Variants in MNX1 observed in about 807,000 individuals in gnomAD.
The protein encoded by MNX1 is motor neuron and pancreas homeobox protein 1.
A neutral mutation model predicts 17.3 loss-of-function variants in MNX1; 2 were observed. The ratio of observed to expected loss-of-function variants is 0.12; its 90% CI spans 0.05 to 0.36. The LOEUF (loss-of-function observed/expected upper bound fraction) is 0.36. MNX1 is among the 10% of genes least tolerant of loss of function. The pLI is 1.00. For synonymous variants in MNX1, 306 were observed against 283.1 expected (o/e 1.08, Z -0.81); for missense variants, 556 against 564.7 (o/e 0.98, Z 0.16).
At position 157,010,320 on chromosome 7, in the gene MNX1, C is replaced by G; in HGVS notation, c.31G>C (p.Ala11Pro). Residue 11 changes from alanine (A) to proline (P), a missense_variant, in exon 1 of 3, where the codon GCC (alanine) becomes CCC (proline). Physicochemically the swap from Ala to Pro is conservative, Grantham distance 27. Transcript: ENST00000252971. ...CGTGGGGGGTCCACCGCCAGCAGGG[C>G]GTCGATGCGGAAATTTTTGGATTTT... MEKSKNFRID[A>P]LLAVDPPRAA... 6.3e-7 allele frequency: 1 copy of G among 1,582,410 alleles called. No homozygotes were observed. The highest frequency in any genetic ancestry group is 2.4e-5 in the East Asian group (1 of 41,740).
chr7:157,009,599 C>T, intron 1 of MNX1, 61 bp downstream of exon 1: 1 of 1,579,068 alleles, frequency 6.3e-7, no homozygotes, highest in South Asian at 1.1e-5. Context: ...CAGGCGGTGC[C>T]GGTGGAGGAT....
At chr7:157,009,523 C>A in intron 1 of MNX1, 137 bp downstream of exon 1, 2 of 1,464,756 alleles carry the variant, frequency 1.4e-6, no homozygotes, top group Non-Finnish European at 1.8e-6. Flanking sequence ...CTCGCAGGCC[C>A]CGGGCAGAGC....
Position 157,009,763 on chromosome 7 carries a change from G to C in MNX1, c.588C>G (p.His196Gln). 5.6e-6 allele frequency: 9 copies of C among 1,599,038 alleles called. No individual in the cohort carries two copies. Among genetic ancestry groups the C allele is most frequent in the Non-Finnish European group, 7.7e-6 (9 of 1,176,046 alleles). Residue 196 changes from histidine (H) to glutamine (Q), a missense_variant, in exon 1 of 3, where the codon CAC (histidine) becomes CAG (glutamine). Physicochemically the swap from His to Gln is conservative, Grantham distance 24 (BLOSUM62 0). This residue lies in a region of MNX1 where 210 missense variants were observed against 211.3 expected (regional missense o/e 0.99). Transcript: ENST00000252971. Reference sequence around the variant, plus strand: ...CGCCCAGCTTGATGGGGTCGGCGGGGTGCGCGGGGTGCGCGCCTTGCACCT... The same window carrying C: ...CGCCCAGCTTGATGGGGTCGGCGGGCTGCGCGGGGTGCGCGCCTTGCACCT... ...YPQVQGAHPA[H>Q]PADPIKLGAG...
At chr7:157,007,632 A>G (rs1805629800) in intron 1 of MNX1, 1 of 152,252 alleles carries the variant, frequency 6.6e-6, no homozygotes, top group Non-Finnish European at 1.5e-5. Context: ...CTTTATTTAC[A>G]TAATTTCGCA....
intron 1 of MNX1, chr7:157,009,142 G>A: frequency 3.3e-6 from 5 of 1,524,290 alleles, no homozygotes; most frequent in Non-Finnish European, 4.4e-6. Context: ...TAAGAGCCGG[G>A]GGTTCCCTGG....
Position 157,005,380 on chromosome 7 carries a change from G to C in MNX1, c.*140C>G, listed in dbSNP as rs1455199718. 2.0e-6 allele frequency: 1 copy of C among 497,592 alleles called. No homozygotes were observed. 30.8% of individuals were successfully genotyped at this position (497,592 alleles called of 1,614,324 possible). ...GCCGCGGCCGAATCCCTCCAGCCCC[G>C]GCCTGGGCGAGGGGTCCATGGGGCG... On this transcript the variant is annotated 3_prime_UTR_variant, in exon 3 of 3. Coordinates refer to ENST00000252971, the MANE Select transcript of MNX1 (RefSeq NM_005515.4).
chr7:157,010,109 G>A lies in MNX1; in HGVS notation c.242C>T (p.Pro81Leu), dbSNP rs1257312854. 4 of 989,398 alleles carry A rather than the reference G, an allele frequency of 4.0e-6. No individual in the cohort carries two copies. Among genetic ancestry groups the A allele is most frequent in the Non-Finnish European group, 4.8e-6 (4 of 834,428 alleles). The allele number at this position is 989,398 out of a possible 1,614,324, so 61.3% of individuals were successfully genotyped here. A position where few individuals can be genotyped will look rare whatever the true frequency, so the allele number is the denominator to read the frequency against. ...CGCGCAGTGCGCGGCCAGCAGGCGC[G>A]GCGGCGACGGGCTCTCGGCGCGCAG... ...DRLRAESPSP[P>L]RLLAAHCALL... Residue 81 changes from proline (P) to leucine (L), a missense_variant, in exon 1 of 3, where the codon CCG becomes CTG. Pro to Leu is a moderately conservative substitution (Grantham distance 98). Around this residue, in one of 7 missense-constraint regions of MNX1, gnomAD observed 115 missense variants for 103.5 expected, o/e 1.11. Transcript: ENST00000252971.
intron 1 of MNX1, chr7:157,008,799 G>C: frequency 3.3e-6 from 2 of 602,600 alleles, no homozygotes; most frequent in Non-Finnish European, 5.8e-6. Flanking sequence ...TGGGGCGAGC[G>C]GGGAGAGCCA....
Position 157,005,448 on chromosome 7 carries a change from CGCCGGGGCCTCCGGGAGAAGCCGCCG to C in MNX1, c.*46_*71del. The C allele has an allele frequency of 9.1e-7, 1 of 1,102,822 alleles. No individual in the cohort carries two copies. 68.3% of individuals were successfully genotyped at this position (1,102,822 alleles called of 1,614,324 possible). A position where few individuals can be genotyped will look rare whatever the true frequency, so the allele number is the denominator to read the frequency against. ...CGGGGCCGGGCCGGGTGGGTGCGGG[CGCCGGGGCCTCCGGGAGAAGCCGCCG>C]GCCGGGGCGCTCCGTGCGCGCCGCA... On this transcript the variant is annotated 3_prime_UTR_variant, in exon 3 of 3. Transcript: ENST00000252971.
rs778841243 is a variant in MNX1 at position 157,006,025 on chromosome 7, C to A, written c.853-152G>T. On this transcript the variant is annotated intron_variant, in intron 2 of 2. Coordinates refer to ENST00000252971, the MANE Select transcript of MNX1 (RefSeq NM_005515.4). The surrounding 1 kb of genome is among the most constrained non-coding windows in gnomAD (Gnocchi z 6.3). ...ACTTAGAAGCAGAATGGGGAGGGGG[C>A]TCGTAGCTTCCTCCTCCCCGCAACC... 5.4e-5 allele frequency: 43 copies of A among 798,592 alleles called. No homozygotes were observed. The highest frequency in any genetic ancestry group is 7.3e-5 in the Non-Finnish European group (37 of 506,416). 49.5% of individuals were successfully genotyped at this position (798,592 alleles called of 1,614,324 possible).
chr7:157,009,240 GTC>G, intron 1 of MNX1: 17 of 1,432,612 alleles, frequency 1.2e-5, no homozygotes, highest in Non-Finnish European at 1.5e-5. Flanking sequence ...GGGGCCGCGG[GTC>G]TCTCTAACGC....
intron 1 of MNX1, chr7:157,009,304 C>T: frequency 7.0e-7 from 1 of 1,418,556 alleles, no homozygotes; most frequent in Non-Finnish European, 9.2e-7. Context: ...AGCCCTGACC[C>T]CCATTCCCGG....
chr7:157,007,876 C>G (rs1805634176), intron 1 of MNX1: 1 of 152,250 alleles, frequency 6.6e-6, no homozygotes. Context: ...TACATTAGAA[C>G]TTTAATTAAA....
Position 157,006,751 on chromosome 7 carries a change from G to A in MNX1, c.692-112C>T. 8.3e-7 allele frequency: 1 copy of A among 1,199,320 alleles called. No individual in the cohort carries two copies. The allele number at this position is 1,199,320 out of a possible 1,614,324, so 74.3% of individuals were successfully genotyped here. A position where few individuals can be genotyped will look rare whatever the true frequency, so the allele number is the denominator to read the frequency against. On this transcript the variant is annotated intron_variant, in intron 1 of 2. Coordinates refer to ENST00000252971, the MANE Select transcript of MNX1 (RefSeq NM_005515.4). This position sits in a 1 kb window ranked among gnomAD's most constrained non-coding sequence, Gnocchi z 6.3. The stretch of plus-strand genomic sequence containing the variant: ...GGCCCCAGCGCCAAGGCCTGGCCCT[G>A]CAGAGGGCGGGGCTGTTCCCTCACT...
At chr7:157,007,810 G>A (rs1396063165) in intron 1 of MNX1, 2 of 152,366 alleles carry the variant, frequency 1.3e-5, no homozygotes, top group East Asian at 1.9e-4. Context: ...TGCTTTAGAG[G>A]ATGGCCCACG....
In MNX1 at chr7:157,009,667, G is replaced by A. The variant is rs1245196097; in HGVS notation, c.684C>T (p.Asp228=). The A allele has an allele frequency of 6.2e-7, 1 of 1,609,256 alleles. No individual in the cohort carries two copies. The change falls in exon 1 of 3, where the codon GAC becomes GAT. Residue 228 remains aspartate, a synonymous_variant. Coordinates refer to ENST00000252971, the MANE Select transcript of MNX1 (RefSeq NM_005515.4). ...TAGMILPKMP[D]FNSQAQSNLL... ...GGGCCGCAGGGTACTCACAGTTGAA[G>A]TCGGGCATCTTAGGCAGGATCATGC...
In MNX1 at chr7:157,009,667, G is replaced by C; in HGVS notation, c.684C>G (p.Asp228Glu). ...GGGCCGCAGGGTACTCACAGTTGAAGTCGGGCATCTTAGGCAGGATCATGC... is the reference window on the plus strand; with the variant it reads ...GGGCCGCAGGGTACTCACAGTTGAACTCGGGCATCTTAGGCAGGATCATGC... ...TAGMILPKMP[D>E]FNSQAQSNLL... The change falls in exon 1 of 3, where the codon GAC becomes GAG. Residue 228 changes from aspartate (D) to glutamate (E), a missense_variant. This residue lies in a region of MNX1 where 210 missense variants were observed against 211.3 expected (regional missense o/e 0.99). Coordinates refer to ENST00000252971, the MANE Select transcript of MNX1 (RefSeq NM_005515.4). 1.2e-6 allele frequency: 2 copies of C among 1,609,256 alleles called. No homozygotes were observed. The highest frequency in any genetic ancestry group is 1.7e-6 in the Non-Finnish European group (2 of 1,179,194).
At chr7:157,005,947 G>T in intron 2 of MNX1, 74 bp from the exon 3 acceptor site, 2 of 1,561,648 alleles carry the variant, frequency 1.3e-6, no homozygotes, top group Non-Finnish European at 1.7e-6. Flanking sequence ...TCCCCCGGCC[G>T]CGTGCGCCTG....
chr7:157,006,685 G>GC lies in MNX1; in HGVS notation c.692-47dup. 6.6e-7 allele frequency: 1 copy of GC among 1,524,526 alleles called. No individual in the cohort carries two copies. The highest frequency in any genetic ancestry group is 8.8e-7 in the Non-Finnish European group (1 of 1,135,378). The allele number at this position is 1,524,526 out of a possible 1,614,324, so 94.4% of individuals were successfully genotyped here. ...AGGCCCACAGCCGGCTCCGGTCCTC[G>GC]CCCCAGCCCCTCCCGTTGCTGCTTG... On this transcript the variant is annotated intron_variant, in intron 1 of 2. Transcript: ENST00000252971. The surrounding 1 kb of genome is among the most constrained non-coding windows in gnomAD (Gnocchi z 6.3).
Sources: allele counts gnomAD v4.1 joint callset, GRCh38; gene constraint gnomAD v4.1.1; regional missense constraint gnomAD v4.1.1; non-coding constraint Gnocchi (gnomAD v3.1); transcripts MANE v1.5; gene names NCBI Gene and HGNC (gene_info 2026-07-23, HGNC 2026-07-21).